The following DOCK2 variants were observed in gnomAD, a reference collection of about 807,000 sequenced individuals.
DOCK2 encodes the protein dedicator of cytokinesis 2.
In DOCK2, 87 loss-of-function variants were observed where a neutral mutation model predicts 248.9. That is an observed-to-expected ratio of 0.35 (90% CI 0.29 to 0.42). The LOEUF (loss-of-function observed/expected upper bound fraction) is 0.42. DOCK2 is among the 10% of genes least tolerant of loss of function. DOCK2 has a pLI of 1.00. For missense variants in DOCK2, 1,747 were observed against 2,300.2 expected, an observed-to-expected ratio of 0.76 and a Z score of 4.92; for synonymous variants, 805 against 821.6, an observed-to-expected ratio of 0.98 and a Z score of 0.35.
chr5:169,994,714 G>A (rs986179704), intron 29 of DOCK2, among the ~76,000 whole-genome samples: 26 of 152,280 alleles, frequency 1.7e-4, no homozygotes, highest in South Asian at 1.5e-3. Context: ...GAAACACAGG[G>A]TACTAGCAAG....
chr5:169,866,408 C>A (rs986531065), intron 27 of DOCK2, among the ~76,000 whole-genome samples: 1 of 152,230 alleles, frequency 6.6e-6, no homozygotes, highest in African/African-American at 2.4e-5. Context: ...GCTATGGTGT[C>A]CTCATCTGCA....
At chr5:169,794,332 C>G (rs1766523453) in intron 25 of DOCK2, among the ~76,000 whole-genome samples, 1 of 152,186 alleles carries the variant, frequency 6.6e-6, no homozygotes, top group African/African-American at 2.4e-5. Flanking sequence ...TCTGGAACAT[C>G]TCCTAATAAG....
intron 22 of DOCK2, among the ~76,000 whole-genome samples, chr5:169,727,803 A>G (rs1231290013): frequency 6.6e-6 from 1 of 152,200 alleles, no homozygotes; most frequent in East Asian, 1.9e-4. Flanking sequence ...TTTTTTCTCC[A>G]AGGAGCAGTT....
intron 26 of DOCK2, among the ~76,000 whole-genome samples, chr5:169,831,672 G>A (rs1052332810): frequency 6.6e-6 from 1 of 152,168 alleles, no homozygotes; most frequent in South Asian, 2.1e-4. Context: ...ATATGTGCTT[G>A]CAGGATTCCT....
chr5:169,668,693 T>A (rs1383009195), intron 2 of DOCK2, among the ~76,000 whole-genome samples: 9 of 152,228 alleles, frequency 5.9e-5, no homozygotes, highest in Non-Finnish European at 1.2e-4. Context: ...ATACATTTTT[T>A]AATATAATAT....
At position 169,846,597 on chromosome 5, in the gene DOCK2, T is replaced by TATATAC. The variant is rs1561758924; in HGVS notation, c.2799+5746_2799+5747insTATACA. Among the ~76,000 whole-genome samples, 124 of 105,046 alleles carry TATATAC rather than the reference T, an allele frequency of 1.2e-3. 1 individual carries two copies. The highest frequency in any genetic ancestry group is 5.5e-3 in the African/African-American group (114 of 20,544). The allele number at this position is 105,046 out of a possible 152,430, so 68.9% of individuals were successfully genotyped here. A position where few individuals can be genotyped will look rare whatever the true frequency, so the allele number is the denominator to read the frequency against. On this transcript the variant is annotated intron_variant, in intron 27 of 51. Coordinates refer to ENST00000520908, the MANE Select transcript of DOCK2 (RefSeq NM_004946.3). ...TTGATAGAAAGTGTATATATATATA[T>TATATAC]ACACACACATATACACACACACACA...
chr5:170,001,184 G>A (rs1051620254), intron 30 of DOCK2, among the ~76,000 whole-genome samples: 1 of 152,192 alleles, frequency 6.6e-6, no homozygotes, highest in Admixed American at 6.5e-5. Context: ...GAGTGGTCAT[G>A]ACAGCTGTGC....
chr5:169,653,063 CCT>C (rs1334425190), intron 1 of DOCK2, among the ~76,000 whole-genome samples: 1 of 152,176 alleles, frequency 6.6e-6, no homozygotes, highest in Admixed American at 6.5e-5. Context: ...AGGCAAGTAA[CCT>C]CTCTCTGTCT....
At chr5:169,960,022 G>T (rs1393291518) in intron 27 of DOCK2, among the ~76,000 whole-genome samples, 1 of 152,202 alleles carries the variant, frequency 6.6e-6, no homozygotes, top group African/African-American at 2.4e-5. Context: ...GAGGCAGAGT[G>T]TCGGATCTCA....
chr5:169,707,915 G>T (rs1013477010), intron 14 of DOCK2, among the ~76,000 whole-genome samples: 3 of 152,206 alleles, frequency 2.0e-5, no homozygotes, highest in Non-Finnish European at 4.4e-5. Flanking sequence ...TCAATGCCCT[G>T]GTGCACTCCA....
Position 169,708,253 on chromosome 5 carries a change from A to G in DOCK2, c.1468A>G (p.Met490Val), listed in dbSNP as rs1330674491. 1 of 1,613,680 alleles carries G rather than the reference A, an allele frequency of 6.2e-7. No homozygotes were observed. Among genetic ancestry groups the G allele is most frequent in the South Asian group, 1.1e-5 (1 of 90,934 alleles). The stretch of plus-strand genomic sequence containing the variant: ...CTATCAAGTCAAACAGCCACGCTGG[A>G]TGGAAACAGTCAAGGTAATAATTAA... ...VYYQVKQPRW[M>V]ETVKVAVPIE... is the part of the protein sequence containing the mutation. The change falls in exon 15 of 52, where the codon ATG (methionine) becomes GTG (valine). Residue 490 changes from methionine to valine, a missense_variant. Coordinates refer to ENST00000520908, the MANE Select transcript of DOCK2 (RefSeq NM_004946.3).
chr5:169,832,674 T>C (rs1435123713), intron 26 of DOCK2, among the ~76,000 whole-genome samples: 1 of 152,236 alleles, frequency 6.6e-6, no homozygotes, highest in African/African-American at 2.4e-5. Context: ...GACTGTACTG[T>C]AGATGATATC....
At chr5:169,944,623 T>G (rs1470760946) in intron 27 of DOCK2, among the ~76,000 whole-genome samples, 1 of 152,240 alleles carries the variant, frequency 6.6e-6, no homozygotes, top group East Asian at 1.9e-4. Flanking sequence ...GGTTTCCTCA[T>G]CTGAGAAATG....
intron 44 of DOCK2, among the ~76,000 whole-genome samples, chr5:170,066,140 C>T (rs571089689): frequency 1.6e-4 from 25 of 151,974 alleles, no homozygotes; most frequent in South Asian, 1.0e-3. Context: ...TTAGTAGAGA[C>T]GGGGTTTCAC....
At chr5:169,703,841 T>G (rs1181201065) in intron 14 of DOCK2, 3 of 152,250 alleles carry the variant, frequency 2.0e-5, no homozygotes, top group African/African-American at 4.8e-5. Context: ...TAGAGACCAT[T>G]GCTTTGAAGT....
At chr5:169,650,975 A>G (rs947298701) in intron 1 of DOCK2, among the ~76,000 whole-genome samples, 1 of 152,210 alleles carries the variant, frequency 6.6e-6, no homozygotes, top group African/African-American at 2.4e-5. Flanking sequence ...TTTTGTGGAC[A>G]GGCACTGGGC....
chr5:169,670,567 A>G lies in DOCK2; in HGVS notation c.194A>G (p.His65Arg). 6.2e-7 allele frequency: 1 copy of G among 1,613,704 alleles called. No individual in the cohort carries two copies. Among genetic ancestry groups the G allele is most frequent in the African/African-American group, 1.3e-5 (1 of 74,976 alleles). ...GGCATTTTTCCTAAGTCATTTATCC[A>G]CATCAAGGAAGTGACAGTTGAGAAA... ...LQGIFPKSFI[H>R]IKEVTVEKRR... The change falls in exon 4 of 52, where the codon CAC becomes CGC. Residue 65 changes from histidine to arginine, a missense_variant. His to Arg is a conservative substitution (Grantham distance 29). Coordinates refer to ENST00000520908, the MANE Select transcript of DOCK2 (RefSeq NM_004946.3).
At chr5:170,003,785 A>G (rs906856173) in intron 30 of DOCK2, among the ~76,000 whole-genome samples, 1 of 152,216 alleles carries the variant, frequency 6.6e-6, no homozygotes, top group Non-Finnish European at 1.5e-5. Flanking sequence ...GAGTGAAGAA[A>G]GGCTTGGGGC....
At position 169,998,504 on chromosome 5, in the gene DOCK2, T is replaced by C. The variant is rs1282621562; in HGVS notation, c.3072+2340T>C. On this transcript the variant is annotated intron_variant, in intron 30 of 51. Coordinates refer to ENST00000520908, the MANE Select transcript of DOCK2 (RefSeq NM_004946.3). ...GCTGCCATTTTCTGATGGTTAATAATACATGCCAGATCTCACGAGAAGCAC... is the reference window on the plus strand; with the variant it reads ...GCTGCCATTTTCTGATGGTTAATAACACATGCCAGATCTCACGAGAAGCAC... Among the ~76,000 whole-genome samples, 3 of 152,250 alleles carry C rather than the reference T, an allele frequency of 2.0e-5. No homozygotes were observed. In the East Asian group the frequency reaches 5.8e-4, roughly 29 times the overall value.
Sources: allele counts gnomAD v4.1 joint callset (sites outside exome capture counted in the v4.1 genomes callset), GRCh38; gene constraint gnomAD v4.1.1; transcripts MANE v1.5; gene names NCBI Gene and HGNC (gene_info 2026-07-23, HGNC 2026-07-21).